The following ERC2 variants were observed in gnomAD, a reference collection of about 807,000 sequenced individuals.
ERC2 encodes the protein ELKS/RAB6-interacting/CAST family member 2.
ERC2 carries 42 observed loss-of-function variants against 114.8 expected under a neutral mutation model. The observed-to-expected ratio is 0.37, with a 90% confidence interval of 0.29 to 0.47. The LOEUF (loss-of-function observed/expected upper bound fraction) is 0.47. Ranked by LOEUF, ERC2 falls within the 20% of genes least tolerant of loss-of-function variation. The pLI is 0.99. For synonymous variants in ERC2, 454 were observed against 425.5 expected (o/e 1.07, Z -0.82); for missense variants, 939 against 1,150.7 (o/e 0.82, Z 2.66).
chr3:56,147,305 A>C (rs557046010), intron 5 of ERC2, among the ~76,000 whole-genome samples: 8 of 152,262 alleles, frequency 5.3e-5, no homozygotes, highest in South Asian at 4.1e-4. Flanking sequence ...ACTTATTCTA[A>C]ACTTTGAGGC....
chr3:56,029,693 A>AT (rs1257671226), intron 7 of ERC2, among the ~76,000 whole-genome samples: 2 of 140,148 alleles, frequency 1.4e-5, no homozygotes, highest in Non-Finnish European at 3.2e-5. Context: ...CATTTCTGAC[A>AT]TTGGCAATAT....
intron 3 of ERC2, among the ~76,000 whole-genome samples, chr3:56,255,634 C>T (rs1031292717): frequency 3.3e-4 from 51 of 152,324 alleles, no homozygotes; most frequent in African/African-American, 1.2e-3. Context: ...CATCTATTTC[C>T]TTCTTCCCTC....
intron 7 of ERC2, among the ~76,000 whole-genome samples, chr3:56,022,367 G>A (rs1232884108): frequency 1.3e-5 from 2 of 152,234 alleles, no homozygotes; most frequent in African/African-American, 4.8e-5. Flanking sequence ...AGTGTAAACA[G>A]AATAAAAAGA....
chr3:56,366,113 C>T (rs1285579866), intron 2 of ERC2, among the ~76,000 whole-genome samples: 1 of 152,202 alleles, frequency 6.6e-6, no homozygotes, highest in Non-Finnish European at 1.5e-5. Context: ...TTCCTCCAAC[C>T]AAATATTCTC....
intron 2 of ERC2, among the ~76,000 whole-genome samples, chr3:56,418,872 T>C (rs377268790): frequency 9.2e-5 from 14 of 152,290 alleles, no homozygotes; most frequent in Middle Eastern, 3.4e-3. Flanking sequence ...CTGTGCCCAC[T>C]CTTAGACTCT....
chr3:56,020,478 T>C (rs1005717771), intron 7 of ERC2, among the ~76,000 whole-genome samples: 4 of 152,132 alleles, frequency 2.6e-5, no homozygotes, highest in Admixed American at 6.5e-5. Flanking sequence ...AACACAGCAA[T>C]TCAGAAGGCA....
intron 3 of ERC2, among the ~76,000 whole-genome samples, chr3:56,222,428 C>T (rs1449592446): frequency 1.3e-5 from 2 of 152,186 alleles, no homozygotes; most frequent in African/African-American, 2.4e-5. Context: ...CCACCACCAC[C>T]ACCTCCTGCT....
chr3:56,193,199 A>T lies in ERC2; in HGVS notation c.1075-19679T>A, dbSNP rs1042400758. On this transcript the variant is annotated intron_variant, in intron 3 of 17. Transcript: ENST00000288221. Reference sequence around the variant, plus strand: ...TCCTTGTTTTAATAAGAAAATATAAACCGTGTGAAAAAGTGACTGAAAGAA... The same window carrying T: ...TCCTTGTTTTAATAAGAAAATATAATCCGTGTGAAAAAGTGACTGAAAGAA... Among the ~76,000 whole-genome samples the T allele has an allele frequency of 2.0e-5, 3 of 152,330 alleles. No homozygotes were observed. In the East Asian group the frequency reaches 5.8e-4, roughly 29 times the overall value.
intron 15 of ERC2, among the ~76,000 whole-genome samples, chr3:55,704,701 T>G (rs1026116558): frequency 6.6e-6 from 1 of 152,172 alleles, no homozygotes; most frequent in Non-Finnish European, 1.5e-5. Context: ...CAGGTCACAG[T>G]TGGAGGACAA....
rs547924619 is a variant in ERC2, at chr3:55,647,264, G to A, written c.*39+36530C>T. ...TACTACAAAGTCTACACTCGCCTGGGAGACAGGCTGTTTGGCAGCAGCTGT... is the reference window on the plus strand; with the variant it reads ...TACTACAAAGTCTACACTCGCCTGGAAGACAGGCTGTTTGGCAGCAGCTGT... On this transcript the variant is annotated intron_variant, in intron 17 of 17. Transcript: ENST00000288221. The A allele has an allele frequency of 2.6e-5, 4 of 152,292 alleles. No individual in the cohort carries two copies. The East Asian group carries it at 7.7e-4, about 29-fold the overall frequency. The allele number at this position is 152,292 out of a possible 1,614,324, so 9.4% of individuals were successfully genotyped here.
chr3:56,156,602 A>G (rs2081735727), intron 4 of ERC2, among the ~76,000 whole-genome samples: 1 of 152,128 alleles, frequency 6.6e-6, no homozygotes. Context: ...AAGTGTTGCA[A>G]TATTTTAGCA....
intron 2 of ERC2, among the ~76,000 whole-genome samples, chr3:56,303,081 G>A (rs1040637265): frequency 1.1e-4 from 16 of 152,186 alleles, no homozygotes; most frequent in African/African-American, 3.9e-4. Context: ...CCAGTTGTCT[G>A]CAAAGATTCA....
chr3:55,563,832 C>T (rs1186177057), intron 17 of ERC2, among the ~76,000 whole-genome samples: 1 of 152,156 alleles, frequency 6.6e-6, no homozygotes, highest in African/African-American at 2.4e-5. Context: ...GCCAACAGAG[C>T]CACTCCTGCC....
intron 14 of ERC2, among the ~76,000 whole-genome samples, chr3:55,873,337 A>C (rs551019458): frequency 6.6e-6 from 1 of 152,312 alleles, no homozygotes; most frequent in South Asian, 2.1e-4. Context: ...GAGAGGTTCA[A>C]ATCCCACCTT....
chr3:55,723,516 C>G (rs377077466), intron 15 of ERC2, among the ~76,000 whole-genome samples: 64 of 152,028 alleles, frequency 4.2e-4, no homozygotes, highest in African/African-American at 1.5e-3. Context: ...AAGGGAGATT[C>G]TGGAACTTTT....
rs560917581 is a variant in ERC2, at chr3:55,550,743, G to A, written c.*40-39467C>T. On this transcript the variant is annotated intron_variant, in intron 17 of 17. Transcript: ENST00000288221. Reference sequence around the variant, plus strand: ...ATAATTTAAGAAATAGGGGCCGGGCGCAGTGGCTCACGCCTATAATCCCAG... The same window carrying A: ...ATAATTTAAGAAATAGGGGCCGGGCACAGTGGCTCACGCCTATAATCCCAG... Among the ~76,000 whole-genome samples, 14 of 152,260 alleles carry A rather than the reference G, an allele frequency of 9.2e-5. No homozygotes were observed. The East Asian group carries it at 1.2e-3, about 13-fold the overall frequency.
rs113170095 is a variant in ERC2, at chr3:56,449,311, G to A, written c.-140-14164C>T. Reference sequence around the variant, plus strand: ...TCACAGGCCTGTAGGTACCCAGAGCGGACTCTAGAATGCCAGGCACAGGCT... The same window carrying A: ...TCACAGGCCTGTAGGTACCCAGAGCAGACTCTAGAATGCCAGGCACAGGCT... On this transcript the variant is annotated intron_variant, in intron 1 of 17. Transcript: ENST00000288221. Among the ~76,000 whole-genome samples, 17 of 152,232 alleles carry A rather than the reference G, an allele frequency of 1.1e-4. 1 individual carries two copies. The highest frequency in any genetic ancestry group is 3.4e-4 in the African/African-American group (14 of 41,524).
At chr3:55,555,974 AC>A (rs2055578889) in intron 17 of ERC2, among the ~76,000 whole-genome samples, 1 of 152,150 alleles carries the variant, frequency 6.6e-6, no homozygotes, top group African/African-American at 2.4e-5. Context: ...CCCAAGCCCC[AC>A]GACTGAGCTC....
chr3:56,152,269 C>T (rs922291349), intron 4 of ERC2, among the ~76,000 whole-genome samples: 1 of 152,120 alleles, frequency 6.6e-6, no homozygotes, highest in African/African-American at 2.4e-5. Flanking sequence ...CACAGTATTA[C>T]TGCCTCTAGA....
Sources: allele counts gnomAD v4.1 joint callset (sites outside exome capture counted in the v4.1 genomes callset), GRCh38; gene constraint gnomAD v4.1.1; transcripts MANE v1.5; gene names NCBI Gene and HGNC (gene_info 2026-07-23, HGNC 2026-07-21).